The following PRKCE variants were observed in gnomAD, a reference collection of about 807,000 sequenced individuals.
PRKCE encodes the protein protein kinase C epsilon.
A neutral mutation model predicts 85.4 loss-of-function variants in PRKCE; 16 were observed. The observed-to-expected ratio is 0.19, with a 90% CI of 0.13 to 0.28. PRKCE has a LOEUF of 0.28. Ranked by LOEUF, PRKCE falls within the 10% of genes least tolerant of loss-of-function variation. PRKCE has a pLI of 1.00. For synonymous variants in PRKCE, 388 were observed against 371.5 expected, an observed-to-expected ratio of 1.04 and a Z score of -0.51; for missense variants, 573 against 975.2, an observed-to-expected ratio of 0.59 and a Z score of 5.49.
chr2:45,900,256 A>G (rs1696476666), intron 2 of PRKCE, among the ~76,000 whole-genome samples: 2 of 152,244 alleles, frequency 1.3e-5, no homozygotes, highest in African/African-American at 2.4e-5. Context: ...CAATTCCAAC[A>G]CTAGGTATAC....
intron 1 of PRKCE, among the ~76,000 whole-genome samples, chr2:45,779,463 G>A (rs562491431): frequency 4.3e-4 from 66 of 152,252 alleles, no homozygotes; most frequent in Non-Finnish European, 6.2e-4. Flanking sequence ...GTGGGTTGAG[G>A]GGTCTGGGAT....
At chr2:45,751,956 T>G (rs1415154005) in intron 1 of PRKCE, among the ~76,000 whole-genome samples, 1 of 148,602 alleles carries the variant, frequency 6.7e-6, no homozygotes, top group African/African-American at 2.5e-5. Context: ...TAGCTGGGAC[T>G]ACAGGCGCCC....
intron 10 of PRKCE, among the ~76,000 whole-genome samples, chr2:46,084,752 G>T (rs1669428504): frequency 1.4e-5 from 2 of 146,462 alleles, no homozygotes; most frequent in African/African-American, 2.5e-5. Context: ...AATGTGCTCT[G>T]CCTCTCTGGC....
At chr2:45,673,772 C>G (rs1676288249) in intron 1 of PRKCE, among the ~76,000 whole-genome samples, 1 of 152,124 alleles carries the variant, frequency 6.6e-6, no homozygotes, top group South Asian at 2.1e-4. Context: ...CCCCTATTAG[C>G]CAGATTTTCT....
chr2:45,864,224 C>T (rs1693400236), intron 2 of PRKCE, among the ~76,000 whole-genome samples: 1 of 152,100 alleles, frequency 6.6e-6, no homozygotes, highest in Admixed American at 6.6e-5. Context: ...GCCTAGGGGG[C>T]CTCAATCTTC....
At chr2:46,062,449 G>A (rs1667235545) in intron 10 of PRKCE, among the ~76,000 whole-genome samples, 1 of 152,078 alleles carries the variant, frequency 6.6e-6, no homozygotes, top group Non-Finnish European at 1.5e-5. Flanking sequence ...AGTGTGCCAA[G>A]AACACTCTTT....
Position 45,669,217 on chromosome 2 carries a change from A to G in PRKCE, c.348+16769A>G, listed in dbSNP as rs372804632. Among the ~76,000 whole-genome samples, 35 of 152,336 alleles carry G rather than the reference A, an allele frequency of 2.3e-4. No homozygotes were observed. In the South Asian group the frequency reaches 6.8e-3, roughly 30 times the overall value. ...CTGTGCACAGACAACCGTAAAGCCA[A>G]CTATTTTAAGGGGAAAAGGGGAGGA... On this transcript the variant is annotated intron_variant, in intron 1 of 14. Transcript: ENST00000306156.
chr2:45,670,385 T>C (rs1379218948), intron 1 of PRKCE, among the ~76,000 whole-genome samples: 6 of 152,216 alleles, frequency 3.9e-5, no homozygotes, highest in Non-Finnish European at 5.9e-5. Context: ...CTCAATGAAG[T>C]TGATGAAATC....
intron 1 of PRKCE, among the ~76,000 whole-genome samples, chr2:45,841,710 T>C (rs1691366208): frequency 6.6e-6 from 1 of 152,110 alleles, no homozygotes; most frequent in Non-Finnish European, 1.5e-5. Flanking sequence ...GAGCCATGAG[T>C]AAGATGTGTC....
intron 2 of PRKCE, among the ~76,000 whole-genome samples, chr2:45,868,319 C>CAAAAAAAAAAAAAAAAAAAAAAA (rs371501864): frequency 2.8e-5 from 1 of 35,998 alleles, no homozygotes; most frequent in Non-Finnish European, 4.7e-5. Flanking sequence ...CTTTCCTGTC[C>CAAAAAAAAAAAAAAAAAAAAAAA]AAAAAAAAAA....
chr2:46,028,972 C>G (rs1707324372), intron 10 of PRKCE, among the ~76,000 whole-genome samples: 1 of 152,138 alleles, frequency 6.6e-6, no homozygotes, highest in Admixed American at 6.5e-5. Flanking sequence ...CATCCATGTC[C>G]CTGTAAAGGA....
chr2:45,998,095 A>G (rs1334767097), intron 6 of PRKCE, among the ~76,000 whole-genome samples: 3 of 152,108 alleles, frequency 2.0e-5, no homozygotes, highest in Non-Finnish European at 4.4e-5. Flanking sequence ...TGATTGCTTC[A>G]TATCTTGAGA....
chr2:46,006,507 G>A (rs1225017081), intron 8 of PRKCE, among the ~76,000 whole-genome samples: 1 of 152,212 alleles, frequency 6.6e-6, no homozygotes, highest in African/African-American at 2.4e-5. Context: ...CTGAAAAGAA[G>A]CTGAAGATCT....
intron 11 of PRKCE, among the ~76,000 whole-genome samples, chr2:46,109,987 T>C (rs1447342503): frequency 6.6e-6 from 1 of 152,134 alleles, no homozygotes; most frequent in Admixed American, 6.5e-5. Flanking sequence ...AGGCTATTGA[T>C]ACGGCAGACT....
At chr2:46,180,739 T>C (rs1394924279) in intron 14 of PRKCE, among the ~76,000 whole-genome samples, 1 of 152,164 alleles carries the variant, frequency 6.6e-6, no homozygotes, top group Admixed American at 6.5e-5. Flanking sequence ...TCTCACTCAG[T>C]CCTCAAGGAA....
chr2:46,178,485 G>A (rs1679655838), intron 14 of PRKCE, among the ~76,000 whole-genome samples: 1 of 152,222 alleles, frequency 6.6e-6, no homozygotes, highest in Non-Finnish European at 1.5e-5. Flanking sequence ...GCCAGGCAGG[G>A]CACTATGCAG....
chr2:45,699,506 C>A (rs1678437630), intron 1 of PRKCE, among the ~76,000 whole-genome samples: 1 of 152,170 alleles, frequency 6.6e-6, no homozygotes, highest in African/African-American at 2.4e-5. Flanking sequence ...TGTGACACCA[C>A]ACAGAGCCCG....
intron 10 of PRKCE, among the ~76,000 whole-genome samples, chr2:46,067,520 T>A (rs1017007306): frequency 6.6e-6 from 1 of 152,166 alleles, no homozygotes; most frequent in Admixed American, 6.6e-5. Context: ...ACATGTTTGG[T>A]GCGTATTCAG....
intron 2 of PRKCE, among the ~76,000 whole-genome samples, chr2:45,866,684 G>GC (rs1338995100): frequency 7.3e-6 from 1 of 136,648 alleles, no homozygotes; most frequent in Non-Finnish European, 1.7e-5. Context: ...GTAGCCACTA[G>GC]CCACCTGTGG....
Sources: gnomAD v4.1 joint callset for allele counts (sites outside exome capture counted in the v4.1 genomes callset) on GRCh38, gnomAD v4.1.1 for gene constraint, MANE v1.5 for transcripts, NCBI Gene and HGNC (gene_info 2026-07-23, HGNC 2026-07-21) for gene names.